RABL6: variants seen among roughly 807,000 people sequenced by gnomAD.
RABL6 encodes RAB, member RAS oncogene family like 6.
In RABL6, 28 loss-of-function variants were observed where a neutral mutation model predicts 72.9. The observed-to-expected ratio is 0.38, with a 90% confidence interval of 0.28 to 0.53. The LOEUF is 0.53. Ranked by LOEUF, RABL6 falls within the 20% of genes least tolerant of loss-of-function variation. The probability of loss-of-function intolerance (pLI) is 0.80; values close to 1 mark genes in which losing one functional copy is unlikely to be tolerated. For synonymous variants in RABL6, 477 were observed against 421.2 expected, an observed-to-expected ratio of 1.13 and a Z score of -1.62; for missense variants, 1,029 against 1,008.4, an observed-to-expected ratio of 1.02 and a Z score of -0.28.
At position 136,840,936 on chromosome 9, in the gene RABL6, G is replaced by A. The variant is rs1718830178; in HGVS notation, c.*414G>A. ...CCGCGCTCATCTGGGGCCGCAGCAT[G>A]CCTATGGTTCCGCTTCCGGCCGGGA... is the stretch of plus-strand genomic sequence containing the variant. On this transcript the variant is annotated 3_prime_UTR_variant, in exon 15 of 15. Transcript: ENST00000311502. 1.4e-6 allele frequency: 2 copies of A among 1,469,780 alleles called. No homozygotes were observed. The highest frequency in any genetic ancestry group is 1.8e-6 in the Non-Finnish European group (2 of 1,106,230). The allele number at this position is 1,469,780 out of a possible 1,614,324, so 91.0% of individuals were successfully genotyped here.
chr9:136,829,355 C>A, intron 4 of RABL6, 38 bp from the exon 5 acceptor site: 1 of 1,495,070 alleles, frequency 6.7e-7, no homozygotes, highest in African/African-American at 1.4e-5. Flanking sequence ...TGGGGCCCAG[C>A]CTGGGCCAGT....
At position 136,839,240 on chromosome 9, in the gene RABL6, G is replaced by A. The variant is rs750400251; in HGVS notation, c.1512G>A (p.Ser504=). ...CACAAAGGTCCTCCATACCAGCTTC[G>A]AAGCCACGGAGGGGGACAGCTCCCA... is the stretch of plus-strand genomic sequence containing the variant. ...PETKWSSIPA[S]KPRRGTAPTR... Residue 504 remains serine, a synonymous_variant, in exon 12 of 15, where the codon TCG becomes TCA. Transcript: ENST00000311502. 3.7e-5 allele frequency: 60 copies of A among 1,600,854 alleles called. No homozygotes were observed. The highest frequency in any genetic ancestry group is 4.7e-5 in the Non-Finnish European group (55 of 1,173,908).
intron 2 of RABL6, among the ~76,000 whole-genome samples, 160 bp downstream of exon 2, chr9:136,823,819 T>C (rs1190496323): frequency 6.6e-6 from 1 of 152,220 alleles, no homozygotes; most frequent in Non-Finnish European, 1.5e-5. Context: ...TCTGGGGCTC[T>C]TTTGGGGTGG....
intron 5 of RABL6, chr9:136,830,977 G>C (rs1441522485): frequency 6.5e-6 from 1 of 154,798 alleles, no homozygotes; most frequent in Non-Finnish European, 1.5e-5. Context: ...AAGGCCACCT[G>C]CTTAGGAGGC....
intron 1 of RABL6, chr9:136,822,133 C>T (rs548975378): frequency 2.0e-4 from 252 of 1,242,598 alleles, no homozygotes; most frequent in Non-Finnish European, 2.6e-4. Context: ...CAGGGTCCCT[C>T]AGAGCTTCGA....
intron 9 of RABL6, 21 bp from the exon 10 acceptor site, chr9:136,837,841 A>G (rs759761325): frequency 1.3e-5 from 20 of 1,546,630 alleles, no homozygotes; most frequent in Non-Finnish European, 1.7e-5. Flanking sequence ...AGTGAAGAGG[A>G]CCCGGCATCA....
intron 1 of RABL6, chr9:136,822,152 G>A (rs1409653120): frequency 8.3e-6 from 10 of 1,202,228 alleles, no homozygotes; most frequent in Middle Eastern, 3.5e-4. Flanking sequence ...GAGGCCGGGC[G>A]CCCTCTGCGT....
At position 136,832,315 on chromosome 9, in the gene RABL6, G is replaced by A; in HGVS notation, c.650G>A (p.Ser217Asn). Reference protein sequence around the residue: ...FRYAESSMKNSFGLKYLHKFF... With the variant: ...FRYAESSMKNNFGLKYLHKFF... ...TATGCTGAGTCTTCCATGAAGAACA[G>A]CTTCGGCCTAAAGTACCTTCATAAG... Residue 217 changes from serine (S) to asparagine (N), a missense_variant, in exon 7 of 15, where the codon AGC becomes AAC. Around this residue, in one of 2 missense-constraint regions of RABL6, gnomAD observed 434 missense variants for 536.1 expected, o/e 0.81. Transcript: ENST00000311502. The A allele has an allele frequency of 6.2e-7, 1 of 1,613,958 alleles. No homozygotes were observed. Among genetic ancestry groups the A allele is most frequent in the Non-Finnish European group, 8.5e-7 (1 of 1,179,854 alleles).
chr9:136,816,751 A>G (rs995929711), intron 1 of RABL6, among the ~76,000 whole-genome samples: 3 of 151,862 alleles, frequency 2.0e-5, no homozygotes, highest in Admixed American at 6.6e-5. Flanking sequence ...TTTTAAAATA[A>G]TTAAATCAGA....
At chr9:136,831,326 G>A (rs1371135964) in intron 5 of RABL6, among the ~76,000 whole-genome samples, 1 of 152,188 alleles carries the variant, frequency 6.6e-6, no homozygotes, top group East Asian at 1.9e-4. Context: ...GGTGGGCAGG[G>A]AGCCTGGAGG....
At chr9:136,823,494 T>C in intron 1 of RABL6, 31 bp from the exon 2 acceptor site, 1 of 1,611,992 alleles carries the variant, frequency 6.2e-7, no homozygotes, top group Non-Finnish European at 8.5e-7. Flanking sequence ...TTCGTTTAAT[T>C]TGCCTTTTCT....
chr9:136,818,220 G>A (rs1418119189), intron 1 of RABL6, among the ~76,000 whole-genome samples: 38 of 150,936 alleles, frequency 2.5e-4, no homozygotes, highest in Middle Eastern at 3.4e-3. Context: ...AAAATTAGAC[G>A]GGCGTGGTGG....
At chr9:136,832,034 G>A (rs546693704) in intron 6 of RABL6, 173 bp downstream of exon 6, 146 of 1,091,258 alleles carry the variant, frequency 1.3e-4, no homozygotes, top group South Asian at 1.2e-3. Context: ...TGGCAGGGCC[G>A]GGAACTGTGT....
intron 5 of RABL6, among the ~76,000 whole-genome samples, 168 bp from the exon 6 acceptor site, chr9:136,831,553 C>T (rs538862055): frequency 1.1e-3 from 168 of 152,170 alleles, no homozygotes; most frequent in Middle Eastern, 3.4e-3. Flanking sequence ...CGAAGGCCCT[C>T]GAGGCACTTC....
chr9:136,829,259 A>C (rs1848421102), intron 4 of RABL6, 134 bp from the exon 5 acceptor site: 1 of 714,590 alleles, frequency 1.4e-6, no homozygotes, highest in Admixed American at 2.2e-5. Flanking sequence ...CCATCTCTTC[A>C]GCATATCGTT....
At chr9:136,829,655 G>C (rs1370911460) in intron 5 of RABL6, among the ~76,000 whole-genome samples, 171 bp downstream of exon 5, 1 of 152,228 alleles carries the variant, frequency 6.6e-6, no homozygotes, top group Non-Finnish European at 1.5e-5. Flanking sequence ...CCTGGATGTC[G>C]GGCTGGGCAA....
intron 1 of RABL6, among the ~76,000 whole-genome samples, chr9:136,819,183 G>A (rs539941234): frequency 7.6e-4 from 116 of 152,098 alleles, no homozygotes; most frequent in African/African-American, 2.7e-3. Context: ...TTAGCCGGGC[G>A]TGGTGGCGGG....
chr9:136,825,982 G>A (rs926857666), intron 3 of RABL6, among the ~76,000 whole-genome samples, 156 bp downstream of exon 3: 8 of 152,072 alleles, frequency 5.3e-5, no homozygotes, highest in East Asian at 1.9e-4. Flanking sequence ...ATCCAGTGGC[G>A]ACCCCGCAGC....
chr9:136,840,794 A>C lies in RABL6; in HGVS notation c.*272A>C, dbSNP rs747312411. 2.6e-6 allele frequency: 4 copies of C among 1,547,362 alleles called. No individual in the cohort carries two copies. The highest frequency in any genetic ancestry group is 2.7e-5 in the African/African-American group (2 of 72,918). ...CTGGCCCTCTCGGGGCAGAGCCGCC[A>C]GTGTTTCTCAGGGATGTGACTGAGG... On this transcript the variant is annotated 3_prime_UTR_variant, in exon 15 of 15. Coordinates refer to ENST00000311502, the MANE Select transcript of RABL6 (RefSeq NM_024718.5).
Sources: allele counts gnomAD v4.1 joint callset (sites outside exome capture counted in the v4.1 genomes callset), GRCh38; gene constraint gnomAD v4.1.1; regional missense constraint gnomAD v4.1.1; transcripts MANE v1.5; gene names NCBI Gene and HGNC (gene_info 2026-07-23, HGNC 2026-07-21).